Variants in SNTB1 observed in about 807,000 individuals in gnomAD.
SNTB1 encodes the protein syntrophin beta 1.
In SNTB1, 36 loss-of-function variants were observed where a neutral mutation model predicts 48.9. The observed-to-expected ratio is 0.74, with a 90% CI of 0.56 to 0.97. The LOEUF is 0.97. Among genes scored for constraint, SNTB1 ranks in the 50% least tolerant of loss-of-function variants. The pLI is 0.00. For synonymous variants in SNTB1, 299 were observed against 294.6 expected, an observed-to-expected ratio of 1.01 and a Z score of -0.15; for missense variants, 786 against 703.4, an observed-to-expected ratio of 1.12 and a Z score of -1.33.
At chr8:120,568,122 T>C (rs4871071) in intron 4 of SNTB1, among the ~76,000 whole-genome samples, 7,444 of 152,220 alleles carry the variant, frequency 0.049, 235 homozygotes, top group Middle Eastern at 0.18. Context: ...AATGGAAGGA[T>C]TCTGTTTCCC....
intron 1 of SNTB1, among the ~76,000 whole-genome samples, chr8:120,729,058 C>A (rs576802959): frequency 6.6e-6 from 1 of 152,056 alleles, no homozygotes; most frequent in Non-Finnish European, 1.5e-5. Context: ...TGCCTCACTG[C>A]AACTCTGCCT....
At chr8:120,730,853 C>T (rs1023053278) in intron 1 of SNTB1, among the ~76,000 whole-genome samples, 1 of 152,106 alleles carries the variant, frequency 6.6e-6, no homozygotes, top group Non-Finnish European at 1.5e-5. Flanking sequence ...GGTGCAGTGG[C>T]TCACACCTAT....
At chr8:120,555,277 G>T (rs1473032024) in intron 4 of SNTB1, among the ~76,000 whole-genome samples, 2 of 152,188 alleles carry the variant, frequency 1.3e-5, no homozygotes, top group African/African-American at 2.4e-5. Flanking sequence ...AGAGACAGGG[G>T]TCTCCGAGCA....
At chr8:120,690,015 G>A (rs7836635) in intron 2 of SNTB1, among the ~76,000 whole-genome samples, 1,603 of 152,130 alleles carry the variant, frequency 0.011, 39 homozygotes, top group African/African-American at 0.034. Flanking sequence ...ATAGTAAGTC[G>A]ACCCTTACTT....
At chr8:120,592,983 T>G (rs1816269210) in intron 3 of SNTB1, among the ~76,000 whole-genome samples, 1 of 152,216 alleles carries the variant, frequency 6.6e-6, no homozygotes, top group Non-Finnish European at 1.5e-5. Context: ...CCATGGCTTT[T>G]TTTGTTGTTG....
At chr8:120,698,546 TA>T (rs575148817) in intron 1 of SNTB1, among the ~76,000 whole-genome samples, 42 of 145,502 alleles carry the variant, frequency 2.9e-4, no homozygotes, top group South Asian at 1.1e-3. Flanking sequence ...TTGTGTATAA[TA>T]AAAAAAAAAG....
At chr8:120,678,954 G>T (rs1051645043) in intron 2 of SNTB1, among the ~76,000 whole-genome samples, 3 of 152,156 alleles carry the variant, frequency 2.0e-5, no homozygotes, top group Non-Finnish European at 4.4e-5. Context: ...AAAGGTTGGG[G>T]TACTGACCTA....
intron 3 of SNTB1, among the ~76,000 whole-genome samples, chr8:120,606,172 CTA>C (rs1197961819): frequency 1.5e-5 from 2 of 136,518 alleles, no homozygotes; most frequent in African/African-American, 5.2e-5. Flanking sequence ...ATATGTGTAT[CTA>C]TATATATAAT....
rs11443743 is a variant in SNTB1 at position 120,584,438 on chromosome 8, C to CAAAAAAAAAA, written c.997-9223_997-9214dup. On this transcript the variant is annotated intron_variant, in intron 3 of 6. Transcript: ENST00000517992. ...TGGGTGACAGAGCGAAACTCCATCT[C>CAAAAAAAAAA]AAAAAAAAAAAAAAAAAAAAAAAGT... Among the ~76,000 whole-genome samples the CAAAAAAAAAA allele has an allele frequency of 7.2e-4, 41 of 57,062 alleles. 5 individuals are homozygous for CAAAAAAAAAA. The highest frequency in any genetic ancestry group is 3.1e-3 in the African/African-American group (38 of 12,294). The allele number at this position is 57,062 out of a possible 152,430, so 37.4% of individuals were successfully genotyped here.
At chr8:120,546,077 C>T (rs1354428213) in intron 5 of SNTB1, among the ~76,000 whole-genome samples, 2 of 152,176 alleles carry the variant, frequency 1.3e-5, no homozygotes, top group East Asian at 1.9e-4. Flanking sequence ...TAACTTTGTA[C>T]TGCTTCCTCA....
intron 2 of SNTB1, among the ~76,000 whole-genome samples, chr8:120,650,333 C>T (rs1366839185): frequency 6.6e-6 from 1 of 152,100 alleles, no homozygotes; most frequent in East Asian, 1.9e-4. Context: ...AGCATGAAAC[C>T]ACTAAATATG....
At chr8:120,555,633 A>T (rs1434688871) in intron 4 of SNTB1, among the ~76,000 whole-genome samples, 2 of 152,130 alleles carry the variant, frequency 1.3e-5, no homozygotes, top group Non-Finnish European at 2.9e-5. Context: ...TTTGTTAGAA[A>T]ATGATTTGGG....
At chr8:120,786,520 C>T (rs530543190) in intron 1 of SNTB1, among the ~76,000 whole-genome samples, 1 of 152,306 alleles carries the variant, frequency 6.6e-6, no homozygotes, top group African/African-American at 2.4e-5. Context: ...CATCTGTAGA[C>T]AGCCTTTCTG....
chr8:120,631,273 C>A (rs769871119), intron 3 of SNTB1, among the ~76,000 whole-genome samples: 3 of 152,140 alleles, frequency 2.0e-5, no homozygotes, highest in Non-Finnish European at 4.4e-5. Context: ...ATGAGGGCTA[C>A]GGGTGGTTTG....
chr8:120,720,866 C>A (rs550342609), intron 1 of SNTB1, among the ~76,000 whole-genome samples: 2 of 152,280 alleles, frequency 1.3e-5, no homozygotes, highest in South Asian at 4.1e-4. Flanking sequence ...CCTTACCCTT[C>A]CACAGGAGCC....
At chr8:120,750,909 A>AC (rs36050626) in intron 1 of SNTB1, among the ~76,000 whole-genome samples, 1 of 151,798 alleles carries the variant, frequency 6.6e-6, no homozygotes, top group African/African-American at 2.4e-5. Context: ...TCCCCAAGCT[A>AC]CCCCCCATCT....
At chr8:120,638,678 T>C (rs1817127220) in intron 2 of SNTB1, among the ~76,000 whole-genome samples, 1 of 152,180 alleles carries the variant, frequency 6.6e-6, no homozygotes. Flanking sequence ...GTCCTTGTGA[T>C]AGTTTGCTGA....
chr8:120,548,839 C>G lies in SNTB1; in HGVS notation c.1256G>C (p.Arg419Thr). The G allele has an allele frequency of 6.2e-7, 1 of 1,614,114 alleles. No homozygotes were observed. The highest frequency in any genetic ancestry group is 2.2e-5 in the East Asian group (1 of 44,874). The change falls in exon 5 of 7, where the codon AGG becomes ACG. Residue 419 changes from arginine to threonine, a missense_variant. By Grantham distance (71) the Arg-to-Thr change is moderately conservative (BLOSUM62 -1). Transcript: ENST00000517992. Reference sequence around the variant, plus strand: ...GCTCCTTGTCCAGTGGGAGAGGTCCCTGCTGGTCTCTGCTCTGAAGAGATG... The same window carrying G: ...GCTCCTTGTCCAGTGGGAGAGGTCCGTGCTGGTCTCTGCTCTGAAGAGATG... The part of the protein sequence containing the change: ...ETHLFRAETS[R>T]DLSHWTRSIV...
chr8:120,553,160 A>C (rs538835953), intron 4 of SNTB1, among the ~76,000 whole-genome samples: 7 of 152,348 alleles, frequency 4.6e-5, no homozygotes, highest in African/African-American at 1.7e-4. Context: ...CCTGTTTTAC[A>C]GGAAGGACTG....
Sources: gnomAD v4.1 joint callset for allele counts (sites outside exome capture counted in the v4.1 genomes callset) on GRCh38, gnomAD v4.1.1 for gene constraint, MANE v1.5 for transcripts, NCBI Gene and HGNC (gene_info 2026-07-23, HGNC 2026-07-21) for gene names.